OPA3: variants seen among roughly 807,000 people sequenced by gnomAD.
OPA3 encodes outer mitochondrial membrane lipid metabolism regulator OPA3.
OPA3 carries 6 observed loss-of-function variants against 4.0 expected under a neutral mutation model. That is an observed-to-expected ratio of 1.51 (90% CI 0.83 to 2.99). The LOEUF (loss-of-function observed/expected upper bound fraction) is 2.99. Among genes scored for constraint, OPA3 ranks in the 30% most tolerant of loss-of-function variants. The pLI, the probability that OPA3 is intolerant of heterozygous loss-of-function variation, is 0.00. For missense variants in OPA3, 235 were observed against 256.2 expected (o/e 0.92, Z 0.56); for synonymous variants, 105 against 117.1 (o/e 0.90, Z 0.67).
At position 45,553,219 on chromosome 19, in the gene OPA3, T is replaced by C. The variant is rs937335860; in HGVS notation, c.*295A>G. 7.2e-7 allele frequency: 1 copy of C among 1,381,742 alleles called. No individual in the cohort carries two copies. Among genetic ancestry groups the C allele is most frequent in the South Asian group, 1.5e-5 (1 of 64,644 alleles). 85.6% of individuals were successfully genotyped at this position (1,381,742 alleles called of 1,614,324 possible). On this transcript the variant is annotated 3_prime_UTR_variant, in exon 2 of 2. Transcript: ENST00000263275. ...GATTCAGCTCAAGACCAGGTTCCAT[T>C]TTTTCATTTGCCAGAGTGCCCACGG...
intron 1 of OPA3, among the ~76,000 whole-genome samples, chr19:45,540,878 G>T (rs1255763090): frequency 6.6e-6 from 1 of 152,176 alleles, no homozygotes; most frequent in Non-Finnish European, 1.5e-5. Flanking sequence ...ATGCTGTCAT[G>T]AATCATAGGC....
chr19:45,533,441 G>A (rs900069224), intron 1 of OPA3, among the ~76,000 whole-genome samples: 1 of 152,306 alleles, frequency 6.6e-6, no homozygotes, highest in African/African-American at 2.4e-5. Flanking sequence ...TGATCTGCCC[G>A]CCTTGGCCTC....
intron 1 of OPA3, among the ~76,000 whole-genome samples, chr19:45,539,247 G>A (rs1377425397): frequency 6.6e-6 from 1 of 152,100 alleles, no homozygotes; most frequent in Non-Finnish European, 1.5e-5. Flanking sequence ...GCATGTCACT[G>A]GCGGAAATGT....
chr19:45,563,243 TCCGCCTCCCAGGTTCACA>T lies in OPA3; in HGVS notation c.143-9350_143-9333del, dbSNP rs556937105. ...GGCTCGATCTTGGCTCACTGCAAGCTCCGCCTCCCAGGTTCACACCGTTCTCCTGCCTCAGCCTCCTGA... is the reference window on the plus strand; with the variant it reads ...GGCTCGATCTTGGCTCACTGCAAGCTCCGTTCTCCTGCCTCAGCCTCCTGA... On this transcript the variant is annotated intron_variant, in intron 1 of 1. Transcript: ENST00000263275. Among the ~76,000 whole-genome samples, 23 of 152,288 alleles carry T rather than the reference TCCGCCTCCCAGGTTCACA, an allele frequency of 1.5e-4. No homozygotes were observed. In the South Asian group the frequency reaches 4.8e-3, roughly 32 times the overall value.
chr19:45,550,135 T>A lies in OPA3; in HGVS notation c.*3379A>T. 1 of 891,878 alleles carries A rather than the reference T, an allele frequency of 1.1e-6. No homozygotes were observed. Among genetic ancestry groups the A allele is most frequent in the South Asian group, 5.2e-5 (1 of 19,378 alleles). The allele number at this position is 891,878 out of a possible 1,614,324, so 55.2% of individuals were successfully genotyped here. On this transcript the variant is annotated 3_prime_UTR_variant, in exon 2 of 2. Coordinates refer to ENST00000263275, the MANE Select transcript of OPA3 (RefSeq NM_025136.4). ...ATTGCACCACTGCACTCCGTCAGGGTGACGGAGCTAGACTGTCTCCGAAAG... is the reference window on the plus strand; with the variant it reads ...ATTGCACCACTGCACTCCGTCAGGGAGACGGAGCTAGACTGTCTCCGAAAG...
In OPA3 at chr19:45,553,246, G is replaced by A. The variant is rs895887575; in HGVS notation, c.*268C>T. 4 of 1,414,574 alleles carry A rather than the reference G, an allele frequency of 2.8e-6. No homozygotes were observed. Among genetic ancestry groups the A allele is most frequent in the Non-Finnish European group, 9.2e-7 (1 of 1,087,034 alleles). The allele number at this position is 1,414,574 out of a possible 1,614,324, so 87.6% of individuals were successfully genotyped here. ...TTTCATTTGCCAGAGTGCCCACGGT[G>A]TCCTGCTGGCTGGGACCTTGCAGGT... On this transcript the variant is annotated 3_prime_UTR_variant, in exon 2 of 2. Coordinates refer to ENST00000263275, the MANE Select transcript of OPA3 (RefSeq NM_025136.4).
Position 45,564,353 on chromosome 19 carries a change from G to A in OPA3, c.143-10442C>T, listed in dbSNP as rs1238397220. 2.0e-5 allele frequency among the ~76,000 whole-genome samples: 3 copies of A among 152,150 alleles called. No homozygotes were observed. In the East Asian group the frequency reaches 5.8e-4, roughly 29 times the overall value. On this transcript the variant is annotated intron_variant, in intron 1 of 1. Transcript: ENST00000263275. ...GGGGAAAGGGCGGTGACAAGAAGCA[G>A]AAGGAACTGGAGACTAGGACCACAC...
chr19:45,543,086 T>A (rs1250233450), downstream of OPA3, among the ~76,000 whole-genome samples: 1 of 151,910 alleles, frequency 6.6e-6, no homozygotes, highest in Non-Finnish European at 1.5e-5. Context: ...CTCGGCTCAC[T>A]GCAACCTCCA....
intron 1 of OPA3, among the ~76,000 whole-genome samples, chr19:45,563,242 C>T (rs768644172): frequency 6.6e-6 from 1 of 152,180 alleles, no homozygotes; most frequent in African/African-American, 2.4e-5. Context: ...TCACTGCAAG[C>T]TCCGCCTCCC....
At chr19:45,577,381 G>T (rs528699242) in intron 1 of OPA3, among the ~76,000 whole-genome samples, 16 of 152,334 alleles carry the variant, frequency 1.1e-4, no homozygotes, top group Admixed American at 8.5e-4. Context: ...TGCACCCTGG[G>T]AAATTCCAAT....
At chr19:45,540,927 A>G (rs1173163966) in intron 1 of OPA3, among the ~76,000 whole-genome samples, 2 of 152,194 alleles carry the variant, frequency 1.3e-5, no homozygotes, top group African/African-American at 2.4e-5. Context: ...GCTGGGCCCA[A>G]GTGGATCCCA....
rs1405668670 is a variant in OPA3 at position 45,553,673 on chromosome 19, G to A, written c.381C>T (p.Gly127=). The A allele has an allele frequency of 1.2e-6, 2 of 1,604,836 alleles. No individual in the cohort carries two copies. The highest frequency in any genetic ancestry group is 4.5e-5 in the East Asian group (2 of 44,820). ...GCGCTTCCAGCGCCAGCGCCAGGTG[G>A]CCCACCTCGTCCCGCAGCGCGTTCC... is the stretch of plus-strand genomic sequence containing the variant. ...AAWNALRDEV[G]HLALALEALQ... Residue 127 remains glycine, a synonymous_variant, in exon 2 of 2, where the codon GGC becomes GGT. Coordinates refer to ENST00000263275, the MANE Select transcript of OPA3 (RefSeq NM_025136.4).
intron 1 of OPA3, among the ~76,000 whole-genome samples, chr19:45,567,080 C>A (rs542238101): frequency 6.6e-6 from 1 of 152,170 alleles, no homozygotes; most frequent in East Asian, 1.9e-4. Context: ...GTGGCTCACA[C>A]TTGTACCCCA....
intron 1 of OPA3, among the ~76,000 whole-genome samples, chr19:45,537,396 C>CAAAAAAAAAAAAAAAAAAAAAAA (rs1181396046): frequency 3.5e-5 from 1 of 28,918 alleles, no homozygotes; most frequent in Non-Finnish European, 5.6e-5. Context: ...GACTCTGTCT[C>CAAAAAAAAAAAAAAAAAAAAAAA]AAAAAAAAAA....
At chr19:45,544,584 C>T (rs186332806), downstream of OPA3, among the ~76,000 whole-genome samples, 5 of 152,096 alleles carry the variant, frequency 3.3e-5, no homozygotes, top group Admixed American at 2.0e-4. Context: ...CACCTGAGGT[C>T]GGGAGTTCGA....
intron 1 of OPA3, chr19:45,584,367 C>T (rs1969900080): frequency 1.0e-6 from 1 of 985,424 alleles, no homozygotes. Flanking sequence ...GGGCATCAGT[C>T]TCCAAGCGCT....
chr19:45,544,309 G>A (rs1169242446), downstream of OPA3, among the ~76,000 whole-genome samples: 3 of 152,220 alleles, frequency 2.0e-5, no homozygotes, highest in Non-Finnish European at 4.4e-5. Context: ...TTCAACAGAT[G>A]TATGAATAAA....
chr19:45,562,477 T>C (rs1054904378), intron 1 of OPA3, among the ~76,000 whole-genome samples: 1 of 150,630 alleles, frequency 6.6e-6, no homozygotes, highest in Non-Finnish European at 1.5e-5. Context: ...GATCATGAGG[T>C]CAGGAGTTCA....
At chr19:45,529,792 G>A (rs1969038942) in intron 1 of OPA3, among the ~76,000 whole-genome samples, 1 of 152,028 alleles carries the variant, frequency 6.6e-6, no homozygotes, top group South Asian at 2.1e-4. Context: ...GTGCAGTGCC[G>A]AAATCACAGC....
Sources: gnomAD v4.1 joint callset for allele counts (sites outside exome capture counted in the v4.1 genomes callset) on GRCh38, gnomAD v4.1.1 for gene constraint, MANE v1.5 for transcripts, NCBI Gene and HGNC (gene_info 2026-07-23, HGNC 2026-07-21) for gene names.